The following CRHR1 variants were observed in gnomAD, a reference collection of about 807,000 sequenced individuals.
CRHR1 encodes corticotropin-releasing hormone receptor 1.
Under a neutral mutation model 56.0 loss-of-function variants are expected in CRHR1, and 28 were observed. That is an observed-to-expected ratio of 0.50 (90% CI 0.37 to 0.69). The LOEUF is 0.69. CRHR1 is among the 30% of genes least tolerant of loss of function. The probability of loss-of-function intolerance (pLI) is 0.00; values close to 1 mark genes in which losing one functional copy is unlikely to be tolerated. For synonymous variants in CRHR1, 195 were observed against 216.5 expected (o/e 0.90, Z 0.87); for missense variants, 376 against 548.0 (o/e 0.69, Z 3.13).
At chr17:45,833,101 G>A (rs1457937496) in intron 8 of CRHR1, 37 bp from the exon 9 acceptor site, 1 of 1,578,832 alleles carries the variant, frequency 6.3e-7, no homozygotes, top group Non-Finnish European at 8.7e-7. Flanking sequence ...GGTGGACGCA[G>A]ATGACCCTTC....
chr17:45,820,444 T>C (rs1458155165), intron 3 of CRHR1, among the ~76,000 whole-genome samples: 31 of 152,020 alleles, frequency 2.0e-4, no homozygotes. Context: ...TGGGCAGCTC[T>C]GCCCATCCCA....
intron 3 of CRHR1, among the ~76,000 whole-genome samples, chr17:45,818,939 G>T (rs1004051324): frequency 6.6e-6 from 1 of 152,088 alleles, no homozygotes; most frequent in African/African-American, 2.4e-5. Context: ...CCTGGCAACG[G>T]CTCCCTGCTT....
chr17:45,833,225 A>G lies in CRHR1; in HGVS notation c.843+15A>G. The G allele has an allele frequency of 6.2e-7, 1 of 1,613,116 alleles. No individual in the cohort carries two copies. The highest frequency in any genetic ancestry group is 8.5e-7 in the Non-Finnish European group (1 of 1,179,128). ...TGGTCCTGCTGGTAAGAACCTGGGT[A>G]GGGGCAGGAGACAGGGCCCAGTGGG... is the stretch of plus-strand genomic sequence containing the variant. On this transcript the variant is annotated intron_variant, in intron 9 of 12. Transcript: ENST00000314537.
intron 1 of CRHR1, among the ~76,000 whole-genome samples, chr17:45,785,298 G>A (rs2061315830): frequency 6.6e-6 from 1 of 152,268 alleles, no homozygotes; most frequent in East Asian, 1.9e-4. Flanking sequence ...GCGTCTGCCC[G>A]CTGAAGTTCG....
chr17:45,829,092 C>A, intron 4 of CRHR1, 123 bp from the exon 5 acceptor site: 1 of 716,454 alleles, frequency 1.4e-6, no homozygotes, highest in Admixed American at 2.2e-5. Flanking sequence ...AGCAGATGCT[C>A]AGGAAGGGGG....
intron 12 of CRHR1, among the ~76,000 whole-genome samples, 188 bp downstream of exon 12, chr17:45,834,236 C>G (rs1302691741): frequency 3.3e-5 from 5 of 152,214 alleles, no homozygotes; most frequent in African/African-American, 1.2e-4. Flanking sequence ...AGTGACAGCC[C>G]CCTCCTTTGC....
chr17:45,809,063 G>C (rs1455165761), intron 2 of CRHR1, among the ~76,000 whole-genome samples: 1 of 152,194 alleles, frequency 6.6e-6, no homozygotes, highest in African/African-American at 2.4e-5. Context: ...TCCTGAAGGA[G>C]GAATTTTCAA....
chr17:45,804,501 G>C (rs889701360), intron 1 of CRHR1, among the ~76,000 whole-genome samples: 1 of 152,124 alleles, frequency 6.6e-6, no homozygotes, highest in Non-Finnish European at 1.5e-5. Context: ...TCATCATCGG[G>C]ACAGGACTGG....
intron 1 of CRHR1, among the ~76,000 whole-genome samples, chr17:45,803,281 C>T (rs1393848384): frequency 6.6e-6 from 1 of 152,140 alleles, no homozygotes; most frequent in African/African-American, 2.4e-5. Context: ...GACCGGAGCA[C>T]GAAGCACAGC....
intron 1 of CRHR1, among the ~76,000 whole-genome samples, chr17:45,803,803 T>C (rs1290216894): frequency 2.0e-5 from 3 of 151,944 alleles, no homozygotes; most frequent in Non-Finnish European, 4.4e-5. Context: ...TGTGCATGTG[T>C]GTGTGTTGGG....
rs968203124 is a variant in CRHR1 at position 45,805,149 on chromosome 17, G to T, written c.34-1861G>T. 4.0e-5 allele frequency among the ~76,000 whole-genome samples: 6 copies of T among 151,744 alleles called. No individual in the cohort carries two copies. In the East Asian group the frequency reaches 9.7e-4, roughly 24 times the overall value. Reference sequence around the variant, plus strand: ...ATCATTACTGACTTTTTCCCTTTTTGCCCCAAGCTCCAACATGGCCCAGCA... The same window carrying T: ...ATCATTACTGACTTTTTCCCTTTTTTCCCCAAGCTCCAACATGGCCCAGCA... On this transcript the variant is annotated intron_variant, in intron 1 of 12. Coordinates refer to ENST00000314537, the MANE Select transcript of CRHR1 (RefSeq NM_004382.5).
intron 12 of CRHR1, 108 bp downstream of exon 12, chr17:45,834,156 C>T: frequency 7.2e-7 from 1 of 1,394,762 alleles, no homozygotes; most frequent in East Asian, 2.3e-5. Flanking sequence ...CTCTCCCTCC[C>T]TGCTCCTAGG....
chr17:45,830,660 T>A, intron 7 of CRHR1, 90 bp downstream of exon 7: 1 of 1,488,830 alleles, frequency 6.7e-7, no homozygotes, highest in Non-Finnish European at 9.0e-7. Context: ...CTGGGGGGCC[T>A]GAGGGATGGA....
chr17:45,809,343 C>T (rs2061776752), intron 2 of CRHR1, among the ~76,000 whole-genome samples: 1 of 152,164 alleles, frequency 6.6e-6, no homozygotes, highest in Non-Finnish European at 1.5e-5. Context: ...AGGAGAGCTG[C>T]TCAGAGGCTG....
chr17:45,824,236 G>T (rs2062108274), intron 4 of CRHR1, among the ~76,000 whole-genome samples: 1 of 152,184 alleles, frequency 6.6e-6, no homozygotes, highest in South Asian at 2.1e-4. Context: ...GGGAGGAAAG[G>T]AAACAGGGCT....
Position 45,830,878 on chromosome 17 carries a change from A to G in CRHR1, c.710-2A>G. On this transcript the variant is annotated splice_acceptor_variant, in intron 7 of 12. Coordinates refer to ENST00000314537, the MANE Select transcript of CRHR1 (RefSeq NM_004382.5). LOFTEE classifies it high-confidence loss of function. ...CTCTGTGACAGCCCATCTCTCCCCC[A>G]GGTGTGCCCTTCCCCATCATTGTGG... 1.2e-6 allele frequency: 2 copies of G among 1,613,588 alleles called. No homozygotes were observed. Among genetic ancestry groups the G allele is most frequent in the East Asian group, 4.5e-5 (2 of 44,858 alleles).
At chr17:45,808,494 C>A (rs368970884) in intron 2 of CRHR1, among the ~76,000 whole-genome samples, 6 of 152,202 alleles carry the variant, frequency 3.9e-5, no homozygotes, top group African/African-American at 1.4e-4. Context: ...CCTCTTGAAC[C>A]TCACCTTGCC....
chr17:45,803,171 C>A (rs560952300), intron 1 of CRHR1, among the ~76,000 whole-genome samples: 1 of 152,120 alleles, frequency 6.6e-6, no homozygotes, highest in East Asian at 1.9e-4. Flanking sequence ...ACTGCATGGG[C>A]AGAGGGTTGC....
At chr17:45,828,726 C>T (rs1337191552) in intron 4 of CRHR1, among the ~76,000 whole-genome samples, 1 of 152,206 alleles carries the variant, frequency 6.6e-6, no homozygotes, top group African/African-American at 2.4e-5. Context: ...TCCTTGCTCA[C>T]AGGAGCAGGC....
Sources: gnomAD v4.1 joint callset for allele counts (sites outside exome capture counted in the v4.1 genomes callset) on GRCh38, gnomAD v4.1.1 for gene constraint, MANE v1.5 for transcripts, NCBI Gene and HGNC (gene_info 2026-07-23, HGNC 2026-07-21) for gene names.